Variants in NCAN observed in about 807,000 individuals in gnomAD.
NCAN encodes the protein neurocan core protein.
Under a neutral mutation model 121.8 loss-of-function variants are expected in NCAN, and 47 were observed. The observed-to-expected ratio is 0.39, with a 90% CI of 0.31 to 0.49. NCAN has a LOEUF of 0.49. NCAN is among the 20% of genes least tolerant of loss of function. The probability of loss-of-function intolerance (pLI) is 0.92; values close to 1 mark genes in which losing one functional copy is unlikely to be tolerated. For synonymous variants in NCAN, 633 were observed against 702.0 expected, an observed-to-expected ratio of 0.90 and a Z score of 1.55; for missense variants, 1,517 against 1,773.4, an observed-to-expected ratio of 0.86 and a Z score of 2.60.
chr19:19,237,680 T>A (rs1275400339), intron 10 of NCAN, among the ~76,000 whole-genome samples: 1 of 152,110 alleles, frequency 6.6e-6, no homozygotes, highest in African/African-American at 2.4e-5. Flanking sequence ...GAAGGAGCCT[T>A]CAGCATTGGA....
At chr19:19,217,091 G>T in intron 2 of NCAN, 65 bp downstream of exon 2, 1 of 1,160,492 alleles carries the variant, frequency 8.6e-7, no homozygotes, top group South Asian at 3.5e-5. Flanking sequence ...GGCAGCTTTT[G>T]AATTCCAGAG....
chr19:19,223,663 G>A (rs932325227), intron 3 of NCAN, among the ~76,000 whole-genome samples: 3 of 152,068 alleles, frequency 2.0e-5, no homozygotes, highest in African/African-American at 7.2e-5. Context: ...AGTAGAGACA[G>A]GGTTTCACCA....
rs1359132959 is a variant in NCAN, at chr19:19,227,435, C to T, written c.1815C>T (p.Ser605=). The part of the protein sequence containing the change: ...ARPATPDLFW[S]PLEATVSAPS... ...CAGCCACCCCAGACCTGTTTTGGTC[C>T]CCCTTGGAGGCCACTGTCTCAGCTC... Residue 605 remains serine, a synonymous_variant, in exon 8 of 15, where the codon TCC becomes TCT. Transcript: ENST00000252575. This position sits in a 1 kb window ranked among gnomAD's most constrained non-coding sequence, Gnocchi z 4.2. 1 of 1,613,524 alleles carries T rather than the reference C, an allele frequency of 6.2e-7. No individual in the cohort carries two copies.
intron 13 of NCAN, among the ~76,000 whole-genome samples, chr19:19,246,118 A>T (rs941617427): frequency 1.3e-5 from 2 of 151,864 alleles, no homozygotes; most frequent in Non-Finnish European, 2.9e-5. Context: ...GCTCACTTCA[A>T]CCTCTGCCTC....
At chr19:19,248,677 C>A (rs759272520) in intron 13 of NCAN, 23 bp from the exon 14 acceptor site, 1 of 1,606,332 alleles carries the variant, frequency 6.2e-7, no homozygotes, top group South Asian at 1.1e-5. Context: ...GCACCTCTCT[C>A]ACTAGAGATT....
In NCAN at chr19:19,227,805, T is replaced by C; in HGVS notation, c.2185T>C (p.Ser729Pro). 1 of 1,613,680 alleles carries C rather than the reference T, an allele frequency of 6.2e-7. No individual in the cohort carries two copies. Among genetic ancestry groups the C allele is most frequent in the Non-Finnish European group, 8.5e-7 (1 of 1,180,026 alleles). The stretch of plus-strand genomic sequence containing the variant: ...GCACTCCAGCTCCAGCCCATGGCCT[T>C]CTGTAAACAGGAATGTGGCTGTAGG... ...AEHSSSSPWPSVNRNVAVGFV... is the reference protein window; with the variant it reads ...AEHSSSSPWPPVNRNVAVGFV... The change falls in exon 8 of 15, where the codon TCT (serine) becomes CCT (proline). Residue 729 changes from serine (S) to proline (P), a missense_variant. Ser to Pro is a moderately conservative substitution (Grantham distance 74). Transcript: ENST00000252575. This position sits in a 1 kb window ranked among gnomAD's most constrained non-coding sequence, Gnocchi z 4.2.
chr19:19,237,426 C>G (rs2060885189), intron 10 of NCAN, among the ~76,000 whole-genome samples: 1 of 151,040 alleles, frequency 6.6e-6, no homozygotes, highest in Admixed American at 6.6e-5. Flanking sequence ...GAGGTGGTGT[C>G]TACAGTGAGC....
chr19:19,246,488 T>C (rs2060924912), intron 13 of NCAN, among the ~76,000 whole-genome samples: 1 of 152,180 alleles, frequency 6.6e-6, no homozygotes, highest in South Asian at 2.1e-4. Context: ...TAGTATCTCA[T>C]TGTTATCTTA....
intron 8 of NCAN, among the ~76,000 whole-genome samples, chr19:19,230,745 T>C (rs535294323): frequency 1.7e-4 from 26 of 149,408 alleles, no homozygotes; most frequent in African/African-American, 5.4e-4. Context: ...TTTTTTTTTT[T>C]CCAGACAGGG....
chr19:19,242,372 G>A (rs2060906234), intron 12 of NCAN, among the ~76,000 whole-genome samples: 1 of 151,990 alleles, frequency 6.6e-6, no homozygotes, highest in Non-Finnish European at 1.5e-5. Context: ...CTGGGTGACA[G>A]AGCAAGACCC....
Position 19,227,245 on chromosome 19 carries a change from G to A in NCAN, c.1661-36G>A, listed in dbSNP as rs1418111319. ...GGAGTCCAACCAAAGGGGCTGCTGA[G>A]AGATCATTGTAATGATTGCCTTGAT... On this transcript the variant is annotated intron_variant, in intron 7 of 14. Coordinates refer to ENST00000252575, the MANE Select transcript of NCAN (RefSeq NM_004386.3). The surrounding 1 kb of genome is among the most constrained non-coding windows in gnomAD (Gnocchi z 4.2). 1.3e-6 allele frequency: 2 copies of A among 1,517,466 alleles called. No homozygotes were observed. The highest frequency in any genetic ancestry group is 4.5e-5 in the East Asian group (2 of 43,962). The allele number at this position is 1,517,466 out of a possible 1,614,324, so 94.0% of individuals were successfully genotyped here. A position where few individuals can be genotyped will look rare whatever the true frequency, so the allele number is the denominator to read the frequency against.
In NCAN at chr19:19,245,399, G is replaced by A. The variant is rs1195463816; in HGVS notation, c.3579G>A (p.Gly1193=). Residue 1193 remains glycine, a synonymous_variant, in exon 13 of 15, where the codon GGG becomes GGA. Coordinates refer to ENST00000252575, the MANE Select transcript of NCAN (RefSeq NM_004386.3). ...DCVVMVAHES[G]RWNDVPCNYN... ...TGGTGATGGTGGCGCATGAAAGCGG[G>A]CGCTGGAACGATGTCCCCTGCAACT... The A allele has an allele frequency of 6.2e-7, 1 of 1,614,216 alleles. No homozygotes were observed. Among genetic ancestry groups the A allele is most frequent in the Middle Eastern group, 1.7e-4 (1 of 6,060 alleles).
At chr19:19,240,570 G>C in intron 11 of NCAN, 33 bp from the exon 12 acceptor site, 1 of 1,611,844 alleles carries the variant, frequency 6.2e-7, no homozygotes, top group South Asian at 1.1e-5. Context: ...AGGCATGGGT[G>C]AACACCCAGA....
chr19:19,220,360 T>C (rs547434487), intron 3 of NCAN, among the ~76,000 whole-genome samples: 1 of 151,714 alleles, frequency 6.6e-6, no homozygotes, highest in East Asian at 1.9e-4. Context: ...AGTTTTTTTC[T>C]AAGTGAGGCA....
chr19:19,249,581 G>T lies in NCAN; in HGVS notation c.3821-185G>T, dbSNP rs994245214. Among the ~76,000 whole-genome samples, 3 of 151,968 alleles carry T rather than the reference G, an allele frequency of 2.0e-5. No homozygotes were observed. In the East Asian group the frequency reaches 5.8e-4, roughly 29 times the overall value. On this transcript the variant is annotated intron_variant, in intron 14 of 14. Coordinates refer to ENST00000252575, the MANE Select transcript of NCAN (RefSeq NM_004386.3). ...AGGTTCTCGCTATGTTGCCCAAGCT[G>T]GTCTCAAACTCCTGGCTTCAAGAGA...
intron 1 of NCAN, among the ~76,000 whole-genome samples, chr19:19,214,089 C>CCGGA (rs1445404984): frequency 6.6e-6 from 1 of 152,180 alleles, no homozygotes; most frequent in African/African-American, 2.4e-5. Context: ...ACACAACACC[C>CCGGA]CGGACACACA....
At chr19:19,232,798 G>T (rs1192295108) in intron 8 of NCAN, 2 of 152,186 alleles carry the variant, frequency 1.3e-5, no homozygotes, top group African/African-American at 4.8e-5. Context: ...TGGAACACCA[G>T]TGCTCTAGGG....
chr19:19,227,637 G>T lies in NCAN; in HGVS notation c.2017G>T (p.Ala673Ser). ...CGCCACGGCTCCACCCTCCCCTGCT[G>T]CAGAGACCAAGGTGTATTCCCTGCC... ...ATATAPPSPA[A>S]ETKVYSLPLS... Residue 673 changes from alanine to serine, a missense_variant, in exon 8 of 15, where the codon GCA becomes TCA. Ala to Ser is a moderately conservative substitution (Grantham distance 99, BLOSUM62 1). Transcript: ENST00000252575. The surrounding 1 kb of genome is among the most constrained non-coding windows in gnomAD (Gnocchi z 4.2). 6.2e-7 allele frequency: 1 copy of T among 1,613,966 alleles called. No individual in the cohort carries two copies. The highest frequency in any genetic ancestry group is 8.5e-7 in the Non-Finnish European group (1 of 1,180,026).
chr19:19,239,239 T>C (rs1414176406), intron 11 of NCAN, among the ~76,000 whole-genome samples: 2 of 152,016 alleles, frequency 1.3e-5, no homozygotes, highest in Admixed American at 6.5e-5. Context: ...GTTCTTCCCA[T>C]GCCTCACCCC....
Sources: gnomAD v4.1 joint callset for allele counts (sites outside exome capture counted in the v4.1 genomes callset) on GRCh38, gnomAD v4.1.1 for gene constraint, Gnocchi (gnomAD v3.1) non-coding constraint, MANE v1.5 for transcripts, NCBI Gene and HGNC (gene_info 2026-07-23, HGNC 2026-07-21) for gene names.